Variants in UTRN observed in about 807,000 individuals in gnomAD.
The protein encoded by UTRN is dystrophin-related protein 1.
In UTRN, 283 loss-of-function variants were observed where a neutral mutation model predicts 463.9. The observed-to-expected ratio is 0.61, with a 90% CI of 0.55 to 0.67. The LOEUF (loss-of-function observed/expected upper bound fraction) is 0.67, where lower values mean the gene tolerates loss of function less well. Ranked by LOEUF, UTRN falls within the 30% of genes least tolerant of loss-of-function variation. The probability of loss-of-function intolerance (pLI) is 0.00; values close to 1 mark genes in which losing one functional copy is unlikely to be tolerated. For missense variants in UTRN, 3,922 were observed against 4,084.3 expected (o/e 0.96, Z 1.08); for synonymous variants, 1,442 against 1,431.5 (o/e 1.01, Z -0.17).
At chr6:144,840,337 C>G (rs890928398) in intron 72 of UTRN, among the ~76,000 whole-genome samples, 2 of 151,958 alleles carry the variant, frequency 1.3e-5, no homozygotes, top group African/African-American at 2.4e-5. Flanking sequence ...CTGGCCTAAG[C>G]TGAAGTCTCC....
At position 144,436,079 on chromosome 6, in the gene UTRN, G is replaced by A. The variant is rs771936531; in HGVS notation, c.1000G>A (p.Glu334Lys). ...GCTTTCTGCTGAGGACACTTTCCAG[G>A]AGCAGGATGATATTTCTGATGATGT... Reference protein sequence around the residue: ...WLLSAEDTFQEQDDISDDVEE... With the variant: ...WLLSAEDTFQKQDDISDDVEE... The change falls in exon 10 of 75, where the codon GAG becomes AAG. Residue 334 changes from glutamate to lysine, a missense_variant. Physicochemically the swap from Glu to Lys is moderately conservative, Grantham distance 56. Transcript: ENST00000367545. The A allele has an allele frequency of 6.2e-7, 1 of 1,614,166 alleles. No homozygotes were observed. The highest frequency in any genetic ancestry group is 8.5e-7 in the Non-Finnish European group (1 of 1,180,046).
At chr6:144,625,456 G>A (rs115421114) in intron 51 of UTRN, among the ~76,000 whole-genome samples, 121 of 152,208 alleles carry the variant, frequency 7.9e-4, no homozygotes, top group African/African-American at 2.6e-3. Context: ...ACTTACCTGC[G>A]ACTTCTTGAC....
At chr6:144,512,357 G>T (rs1432222247) in intron 35 of UTRN, among the ~76,000 whole-genome samples, 1 of 152,008 alleles carries the variant, frequency 6.6e-6, no homozygotes, top group Non-Finnish European at 1.5e-5. Context: ...TTCTAGTGCT[G>T]TTAGAACATT....
At chr6:144,426,711 A>C (rs1457347211) in intron 7 of UTRN, among the ~76,000 whole-genome samples, 1 of 152,268 alleles carries the variant, frequency 6.6e-6, no homozygotes, top group Non-Finnish European at 1.5e-5. Flanking sequence ...TTTAAAAAAT[A>C]TGAAATAATT....
chr6:144,756,768 G>T (rs1177416554), intron 57 of UTRN, among the ~76,000 whole-genome samples: 1 of 152,066 alleles, frequency 6.6e-6, no homozygotes, highest in Non-Finnish European at 1.5e-5. Context: ...AAAGAGAGGA[G>T]GAATTGTTGA....
At chr6:144,745,177 A>G (rs970437550) in intron 54 of UTRN, among the ~76,000 whole-genome samples, 1 of 152,044 alleles carries the variant, frequency 6.6e-6, no homozygotes, top group African/African-American at 2.4e-5. Flanking sequence ...GGTCCTTAGC[A>G]TTTACCACAA....
chr6:144,675,700 A>G (rs989816886), intron 51 of UTRN, among the ~76,000 whole-genome samples: 38 of 152,136 alleles, frequency 2.5e-4, no homozygotes, highest in African/African-American at 9.2e-4. Flanking sequence ...GTGATGGGTA[A>G]GGCTGTAAAA....
In UTRN at chr6:144,488,706, C is replaced by A. The variant is rs781101420; in HGVS notation, c.4006C>A (p.Leu1336Ile). The A allele has an allele frequency of 5.0e-6, 8 of 1,613,074 alleles. No homozygotes were observed. Among genetic ancestry groups the A allele is most frequent in the African/African-American group, 1.3e-5 (1 of 74,910 alleles). Reference protein sequence around the residue: ...ESKQISLEKQLQVLRETDQML... With the variant: ...ESKQISLEKQIQVLRETDQML... ...CAAGCAGATTTCTTTGGAAAAGCAA[C>A]TCCAGGTGCTGCGGGAAACTGACCA... Residue 1336 changes from leucine to isoleucine, a missense_variant, in exon 30 of 75, where the codon CTC (leucine) becomes ATC (isoleucine). Physicochemically the swap from Leu to Ile is conservative, Grantham distance 5 (BLOSUM62 2). Transcript: ENST00000367545.
At position 144,732,261 on chromosome 6, in the gene UTRN, C is replaced by CATATATATATATACATATATATATAT. The variant is rs1562832840; in HGVS notation, c.7939+1776_7939+1777insTATATATATATACATATATATATATA. 1.2e-3 allele frequency among the ~76,000 whole-genome samples: 153 copies of CATATATATATATACATATATATATAT among 122,646 alleles called. 3 individuals carry two copies. The highest frequency in any genetic ancestry group is 4.6e-3 in the African/African-American group (140 of 30,420). 80.5% of individuals were successfully genotyped at this position (122,646 alleles called of 152,430 possible). ...ATACATATATATATATATATATACA[C>CATATATATATATACATATATATATAT]ACATATATATATATATACACACATA... On this transcript the variant is annotated intron_variant, in intron 54 of 74. Coordinates refer to ENST00000367545, the MANE Select transcript of UTRN (RefSeq NM_007124.3).
intron 66 of UTRN, among the ~76,000 whole-genome samples, chr6:144,822,627 C>G (rs1586719698): frequency 1.3e-5 from 2 of 152,230 alleles, no homozygotes; most frequent in East Asian, 3.9e-4. Context: ...CATTCAGGAA[C>G]AGTAGACTTT....
chr6:144,606,101 T>A (rs552916684), intron 51 of UTRN, among the ~76,000 whole-genome samples: 1 of 152,326 alleles, frequency 6.6e-6, no homozygotes, highest in South Asian at 2.1e-4. Flanking sequence ...CTTGTCGACC[T>A]GAAATGTGAC....
At chr6:144,544,930 T>C (rs1798270281) in intron 46 of UTRN, among the ~76,000 whole-genome samples, 2 of 152,144 alleles carry the variant, frequency 1.3e-5, no homozygotes, top group African/African-American at 4.8e-5. Flanking sequence ...TTTTGAAGCA[T>C]GTAGCTCTAG....
intron 51 of UTRN, among the ~76,000 whole-genome samples, chr6:144,613,542 A>G (rs1805747959): frequency 6.6e-6 from 1 of 152,084 alleles, no homozygotes; most frequent in South Asian, 2.1e-4. Flanking sequence ...TGCATGTTGT[A>G]TGATTTCATT....
At chr6:144,670,389 A>G (rs1780887806) in intron 51 of UTRN, among the ~76,000 whole-genome samples, 1 of 151,778 alleles carries the variant, frequency 6.6e-6, no homozygotes, top group Admixed American at 6.6e-5. Flanking sequence ...GATGTTGAGC[A>G]TTTTTTCATG....
rs543314130 is a variant in UTRN at position 144,685,033 on chromosome 6, C to T, written c.7652+6455C>T. Among the ~76,000 whole-genome samples the T allele has an allele frequency of 2.2e-4, 34 of 152,100 alleles. No homozygotes were observed. The South Asian group carries it at 6.0e-3, about 27-fold the overall frequency. Reference sequence around the variant, plus strand: ...TTTTATCCCTCACTGCCTTGGTAACCTCCCCGACCTCTGAGTCTCATATGT... The same window carrying T: ...TTTTATCCCTCACTGCCTTGGTAACTTCCCCGACCTCTGAGTCTCATATGT... On this transcript the variant is annotated intron_variant, in intron 52 of 74. Transcript: ENST00000367545.
At position 144,523,151 on chromosome 6, in the gene UTRN, T is replaced by C. The variant is rs372895785; in HGVS notation, c.5869T>C (p.Trp1957Arg). 2 of 1,612,286 alleles carry C rather than the reference T, an allele frequency of 1.2e-6. No homozygotes were observed. Among genetic ancestry groups the C allele is most frequent in the Non-Finnish European group, 1.7e-6 (2 of 1,179,314 alleles). Reference protein sequence around the residue: ...RDTLTQLNAKWDRINRMYSDR... With the variant: ...RDTLTQLNAKRDRINRMYSDR... Reference sequence around the variant, plus strand: ...TACACTTACTCAGCTGAATGCAAAATGGGACAGAATTAATAGAATGTACAG... The same window carrying C: ...TACACTTACTCAGCTGAATGCAAAACGGGACAGAATTAATAGAATGTACAG... Residue 1957 changes from tryptophan to arginine, a missense_variant, in exon 41 of 75, where the codon TGG becomes CGG. Trp to Arg is a moderately radical substitution (Grantham distance 101). Around this residue, in one of 3 missense-constraint regions of UTRN, gnomAD observed 2,349 missense variants for 2,303.8 expected, o/e 1.02. Coordinates refer to ENST00000367545, the MANE Select transcript of UTRN (RefSeq NM_007124.3).
chr6:144,703,315 T>C (rs759677018), intron 53 of UTRN, among the ~76,000 whole-genome samples: 1 of 152,180 alleles, frequency 6.6e-6, no homozygotes, highest in African/African-American at 2.4e-5. Context: ...GTTAAGCTTA[T>C]AGATGTTTAA....
chr6:144,455,817 T>C (rs1013631795), intron 19 of UTRN, among the ~76,000 whole-genome samples: 5 of 152,210 alleles, frequency 3.3e-5, no homozygotes, highest in African/African-American at 4.8e-5. Context: ...ACTATTAGTT[T>C]ATTAGCTGAC....
intron 64 of UTRN, among the ~76,000 whole-genome samples, chr6:144,802,807 C>A (rs1488070243): frequency 6.6e-6 from 1 of 151,974 alleles, no homozygotes. Context: ...AGATATAATT[C>A]TTTTCTTGCC....
Sources: allele counts gnomAD v4.1 joint callset (sites outside exome capture counted in the v4.1 genomes callset), GRCh38; gene constraint gnomAD v4.1.1; regional missense constraint gnomAD v4.1.1; transcripts MANE v1.5; gene names NCBI Gene and HGNC (gene_info 2026-07-23, HGNC 2026-07-21).